The following ZC3H7B variants were observed in gnomAD, a reference collection of about 807,000 sequenced individuals.
ZC3H7B encodes zinc finger CCCH-type containing 7B, also known as zinc finger CCCH domain-containing protein 7B.
ZC3H7B carries 35 observed loss-of-function variants against 116.0 expected under a neutral mutation model. The ratio of observed to expected loss-of-function variants is 0.30; its 90% confidence interval spans 0.23 to 0.40. The LOEUF is 0.40. ZC3H7B is among the 10% of genes least tolerant of loss of function. The pLI is 1.00. For synonymous variants in ZC3H7B, 502 were observed against 545.6 expected, an observed-to-expected ratio of 0.92 and a Z score of 1.11; for missense variants, 1,011 against 1,321.5, an observed-to-expected ratio of 0.77 and a Z score of 3.64.
intron 1 of ZC3H7B, among the ~76,000 whole-genome samples, chr22:41,316,596 CT>C (rs371933916): frequency 7.3e-4 from 72 of 98,922 alleles, no homozygotes; most frequent in Middle Eastern, 9.8e-3. Flanking sequence ...CACACCTGGC[CT>C]TTTTTTTTTT....
chr22:41,314,176 A>G (rs1405481734), intron 1 of ZC3H7B, among the ~76,000 whole-genome samples: 1 of 150,018 alleles, frequency 6.7e-6, no homozygotes, highest in African/African-American at 2.5e-5. Context: ...TATTTTTTTG[A>G]GATGGAGTCT....
At chr22:41,356,317 G>T in intron 20 of ZC3H7B, 26 bp from the exon 21 acceptor site, 1 of 1,613,588 alleles carries the variant, frequency 6.2e-7, no homozygotes, top group Admixed American at 1.7e-5. Flanking sequence ...CCCTCAGCAG[G>T]TGCCCTGTCC....
At chr22:41,329,703 A>AACATTCTTCCCTTCTACAGTG (rs1187581541) in intron 5 of ZC3H7B, among the ~76,000 whole-genome samples, 3 of 152,252 alleles carry the variant, frequency 2.0e-5, no homozygotes, top group African/African-American at 7.2e-5. Flanking sequence ...CTGTCCCTGT[A>AACATTCTTCCCTTCTACAGTG]ACATTCTTCC....
intron 17 of ZC3H7B, among the ~76,000 whole-genome samples, chr22:41,352,569 T>C (rs1461750588): frequency 6.6e-6 from 1 of 152,118 alleles, no homozygotes; most frequent in Non-Finnish European, 1.5e-5. Context: ...GAGACCAGCG[T>C]GTCCAACATA....
chr22:41,322,172 G>T (rs1278188592), intron 2 of ZC3H7B, among the ~76,000 whole-genome samples: 1 of 149,002 alleles, frequency 6.7e-6, no homozygotes, highest in Non-Finnish European at 1.5e-5. Context: ...ATGCCTCTGA[G>T]CACCCACATG....
intron 1 of ZC3H7B, among the ~76,000 whole-genome samples, chr22:41,311,254 G>T (rs2145899010): frequency 6.6e-6 from 1 of 151,896 alleles, no homozygotes; most frequent in East Asian, 1.9e-4. Flanking sequence ...CCGAGAGGTG[G>T]CCGTGCTTGT....
chr22:41,317,838 T>C (rs1429168919), intron 1 of ZC3H7B, among the ~76,000 whole-genome samples: 4 of 152,052 alleles, frequency 2.6e-5, no homozygotes, highest in Non-Finnish European at 4.4e-5. Flanking sequence ...GTTAGGTGCC[T>C]GTAGGGCTGG....
intron 6 of ZC3H7B, among the ~76,000 whole-genome samples, chr22:41,330,364 C>T (rs891474738): frequency 2.0e-5 from 3 of 152,264 alleles, no homozygotes; most frequent in African/African-American, 7.2e-5. Context: ...TGACTTTAGT[C>T]ACCTGGAGGT....
At chr22:41,315,545 A>C (rs1246442327) in intron 1 of ZC3H7B, among the ~76,000 whole-genome samples, 2 of 152,132 alleles carry the variant, frequency 1.3e-5, no homozygotes, top group Admixed American at 6.6e-5. Context: ...ATAGGTTGCC[A>C]TATCAAAATA....
intron 2 of ZC3H7B, among the ~76,000 whole-genome samples, chr22:41,321,454 A>C (rs1025691393): frequency 2.6e-5 from 4 of 152,062 alleles, no homozygotes; most frequent in African/African-American, 9.7e-5. Context: ...GCCTCAGGTG[A>C]TCCACCCACC....
chr22:41,355,358 G>C, intron 17 of ZC3H7B, 111 bp from the exon 18 acceptor site: 1 of 1,466,136 alleles, frequency 6.8e-7, no homozygotes, highest in Non-Finnish European at 9.2e-7. Flanking sequence ...GAAGACCTGG[G>C]AGCAGACCAG....
Position 41,343,587 on chromosome 22 carries a change from T to C in ZC3H7B, c.1459+11T>C. The C allele has an allele frequency of 6.3e-7, 1 of 1,586,478 alleles. No homozygotes were observed. The highest frequency in any genetic ancestry group is 2.3e-5 in the East Asian group (1 of 44,096). Reference sequence around the variant, plus strand: ...ACTACCTGTGCAAAGGTGGGTGGGCTGCAGCGGGGCAGGCAGCACAGCTGG... The same window carrying C: ...ACTACCTGTGCAAAGGTGGGTGGGCCGCAGCGGGGCAGGCAGCACAGCTGG... On this transcript the variant is annotated intron_variant, in intron 13 of 22. Coordinates refer to ENST00000352645, the MANE Select transcript of ZC3H7B (RefSeq NM_017590.6).
chr22:41,316,750 C>T (rs1406464205), intron 1 of ZC3H7B, among the ~76,000 whole-genome samples: 1 of 152,102 alleles, frequency 6.6e-6, no homozygotes. Context: ...TCTTGGCTCA[C>T]TGCAACCTCT....
intron 7 of ZC3H7B, chr22:41,334,408 C>T (rs6002340): frequency 6.7e-6 from 1 of 148,456 alleles, no homozygotes; most frequent in Non-Finnish European, 1.5e-5. Context: ...CAAAGCCTTG[C>T]TTAGTCTGCA....
intron 15 of ZC3H7B, 125 bp downstream of exon 15, chr22:41,348,292 AT>A (rs1428499904): frequency 5.5e-5 from 43 of 780,462 alleles, no homozygotes; most frequent in Non-Finnish European, 3.0e-5. Context: ...AAGGGGCAGA[AT>A]TTGGGAATCA....
chr22:41,327,489 T>C lies in ZC3H7B; in HGVS notation c.444+125T>C. The C allele has an allele frequency of 7.8e-7, 1 of 1,286,462 alleles. No individual in the cohort carries two copies. Among genetic ancestry groups the C allele is most frequent in the Non-Finnish European group, 1.1e-6 (1 of 939,196 alleles). The allele number at this position is 1,286,462 out of a possible 1,614,324, so 79.7% of individuals were successfully genotyped here. A position where few individuals can be genotyped will look rare whatever the true frequency, so the allele number is the denominator to read the frequency against. Reference sequence around the variant, plus strand: ...CACTTCCTCCCCTGTGACATGGCCATGCAGATCCTGATGTTAACACTAGCT... The same window carrying C: ...CACTTCCTCCCCTGTGACATGGCCACGCAGATCCTGATGTTAACACTAGCT... On this transcript the variant is annotated intron_variant, in intron 5 of 22. Coordinates refer to ENST00000352645, the MANE Select transcript of ZC3H7B (RefSeq NM_017590.6). This position sits in a 1 kb window ranked among gnomAD's most constrained non-coding sequence, Gnocchi z 4.5.
At chr22:41,303,281 G>A (rs1468126372) in intron 1 of ZC3H7B, among the ~76,000 whole-genome samples, 1 of 152,200 alleles carries the variant, frequency 6.6e-6, no homozygotes, top group African/African-American at 2.4e-5. Context: ...GGATGGGAGA[G>A]AGACTTTGTT....
intron 2 of ZC3H7B, among the ~76,000 whole-genome samples, chr22:41,323,878 G>A (rs184900877): frequency 7.9e-5 from 12 of 152,254 alleles, no homozygotes; most frequent in East Asian, 1.9e-4. Context: ...CGACCATCCC[G>A]GCTAACATGG....
At chr22:41,348,515 G>T (rs940924200) in intron 15 of ZC3H7B, among the ~76,000 whole-genome samples, 5 of 152,194 alleles carry the variant, frequency 3.3e-5, no homozygotes, top group African/African-American at 9.7e-5. Flanking sequence ...CCTCGTCTCT[G>T]ACTGTAGCCC....
Sources: gnomAD v4.1 joint callset for allele counts (sites outside exome capture counted in the v4.1 genomes callset) on GRCh38, gnomAD v4.1.1 for gene constraint, Gnocchi (gnomAD v3.1) non-coding constraint, MANE v1.5 for transcripts, NCBI Gene and HGNC (gene_info 2026-07-23, HGNC 2026-07-21) for gene names.